MTUS2: variants seen among roughly 807,000 people sequenced by gnomAD.
The protein encoded by MTUS2 is microtubule-associated tumor suppressor candidate 2.
MTUS2 carries 40 observed loss-of-function variants against 114.1 expected under a neutral mutation model. That is an observed-to-expected ratio of 0.35 (90% CI 0.27 to 0.46). MTUS2 has a LOEUF of 0.46. MTUS2 is among the 20% of genes least tolerant of loss of function. The pLI, the probability that MTUS2 is intolerant of heterozygous loss-of-function variation, is 1.00. For synonymous variants in MTUS2, 688 were observed against 672.0 expected, an observed-to-expected ratio of 1.02 and a Z score of -0.37; for missense variants, 1,679 against 1,705.4, an observed-to-expected ratio of 0.98 and a Z score of 0.27.
chr13:29,309,432 G>A (rs1899644721), intron 6 of MTUS2, among the ~76,000 whole-genome samples: 1 of 152,116 alleles, frequency 6.6e-6, no homozygotes, highest in Non-Finnish European at 1.5e-5. Context: ...CCTGTGGGGT[G>A]GAGGATGGGG....
Position 29,503,156 on chromosome 13 carries a change from TCCTCCTCGGGGC to T in MTUS2, c.4068_4079del (p.Gly1357_Ser1360del). On this transcript the variant is annotated inframe_deletion, in exon 16 of 16. Transcript: ENST00000612955. ...GCCCACATCTCCCGTTTACCGCGGC[TCCTCCTCGGGGC>T]CCTCCTCTCCGGCCAGAGTCAGCAC... is the stretch of plus-strand genomic sequence containing the variant. The T allele has an allele frequency of 6.2e-7, 1 of 1,614,116 alleles. No individual in the cohort carries two copies. Among genetic ancestry groups the T allele is most frequent in the Non-Finnish European group, 8.5e-7 (1 of 1,180,030 alleles).
At chr13:29,354,469 T>C (rs929702433) in intron 7 of MTUS2, among the ~76,000 whole-genome samples, 4 of 152,334 alleles carry the variant, frequency 2.6e-5, no homozygotes, top group Middle Eastern at 3.4e-3. Flanking sequence ...TTGAAAATAC[T>C]GTATGCCACG....
chr13:29,295,122 T>C (rs1192723587), intron 6 of MTUS2, among the ~76,000 whole-genome samples: 1 of 142,882 alleles, frequency 7.0e-6, no homozygotes, highest in Admixed American at 6.9e-5. Context: ...GGCTGTTGCC[T>C]TTTTTTTTTT....
chr13:28,983,738 G>A (rs755787819), intron 2 of MTUS2, among the ~76,000 whole-genome samples: 19 of 152,246 alleles, frequency 1.2e-4, no homozygotes, highest in Middle Eastern at 3.2e-3. Flanking sequence ...GATGGAGCCA[G>A]CAATCTGTGT....
chr13:29,310,382 T>A (rs1899698346), intron 6 of MTUS2, among the ~76,000 whole-genome samples: 1 of 152,218 alleles, frequency 6.6e-6, no homozygotes, highest in African/African-American at 2.4e-5. Context: ...ATAATTGATA[T>A]TCGTAATTAC....
At chr13:29,494,250 T>C (rs1203604989) in intron 12 of MTUS2, among the ~76,000 whole-genome samples, 1 of 152,244 alleles carries the variant, frequency 6.6e-6, no homozygotes, top group Non-Finnish European at 1.5e-5. Context: ...GTAACTATTG[T>C]AATAATAACA....
intron 5 of MTUS2, among the ~76,000 whole-genome samples, chr13:29,253,984 C>A (rs1164639747): frequency 6.6e-6 from 1 of 152,154 alleles, no homozygotes; most frequent in African/African-American, 2.4e-5. Context: ...GTGGGAATTC[C>A]TTCAAGATGA....
At chr13:28,834,769 T>A (rs1874953384) in intron 1 of MTUS2, among the ~76,000 whole-genome samples, 1 of 152,178 alleles carries the variant, frequency 6.6e-6, no homozygotes, top group Non-Finnish European at 1.5e-5. Flanking sequence ...TTGAAAATTA[T>A]GTATCTAATA....
At chr13:29,104,055 A>C (rs1890547093) in intron 5 of MTUS2, among the ~76,000 whole-genome samples, 1 of 152,038 alleles carries the variant, frequency 6.6e-6, no homozygotes, top group African/African-American at 2.4e-5. Flanking sequence ...AGATGGCAGG[A>C]CCATTTGGGG....
chr13:28,862,624 AC>A (rs1311616718), intron 2 of MTUS2, among the ~76,000 whole-genome samples: 2 of 152,178 alleles, frequency 1.3e-5, no homozygotes. Context: ...CAAAAACCAA[AC>A]CAAACCAAAC....
intron 6 of MTUS2, among the ~76,000 whole-genome samples, chr13:29,284,545 G>A (rs1331205252): frequency 6.6e-6 from 1 of 152,126 alleles, no homozygotes; most frequent in Non-Finnish European, 1.5e-5. Flanking sequence ...TACATTAAAT[G>A]TTAAAAGATA....
chr13:29,127,417 G>A (rs766045022), intron 5 of MTUS2, among the ~76,000 whole-genome samples: 3 of 152,170 alleles, frequency 2.0e-5, no homozygotes, highest in African/African-American at 4.8e-5. Context: ...TCTATAATTT[G>A]CTGACTTTAA....
chr13:29,383,252 G>GTATATATATATATATTTATTTATTTATT (rs1555271591), intron 8 of MTUS2, among the ~76,000 whole-genome samples: 49,830 of 135,692 alleles, frequency 0.37, 11,232 homozygotes, highest in Admixed American at 0.5. Flanking sequence ...GTGTGTGTGT[G>GTATATATATATATATTTATTTATTTATT]TATTTATTTT....
intron 5 of MTUS2, among the ~76,000 whole-genome samples, chr13:29,278,806 G>T (rs146443676): frequency 2.0e-5 from 3 of 152,044 alleles, no homozygotes; most frequent in Non-Finnish European, 4.4e-5. Context: ...GTCTGAAATC[G>T]TTTATCATAT....
intron 4 of MTUS2, among the ~76,000 whole-genome samples, chr13:29,087,865 TG>T (rs1889761183): frequency 6.6e-6 from 1 of 152,136 alleles, no homozygotes; most frequent in African/African-American, 2.4e-5. Context: ...GAGACCATCC[TG>T]GCTAACATGG....
intron 4 of MTUS2, among the ~76,000 whole-genome samples, chr13:29,070,226 A>G (rs145304098): frequency 6.6e-6 from 1 of 152,050 alleles, no homozygotes; most frequent in Non-Finnish European, 1.5e-5. Context: ...TACCTTCTCA[A>G]ATGTTCCTCT....
intron 5 of MTUS2, among the ~76,000 whole-genome samples, chr13:29,177,541 C>T (rs1467638428): frequency 6.9e-6 from 1 of 144,932 alleles, no homozygotes; most frequent in East Asian, 1.9e-4. Context: ...TTTCACCAGG[C>T]CTGGAACCCT....
chr13:29,002,826 T>C (rs556392932), intron 2 of MTUS2, among the ~76,000 whole-genome samples: 5 of 152,356 alleles, frequency 3.3e-5, no homozygotes, highest in African/African-American at 1.2e-4. Flanking sequence ...ATTCAAACTT[T>C]AAAGTGCATT....
rs1408794829 is a variant in MTUS2, at chr13:29,383,245, TG to T, written c.3117+23773del. Among the ~76,000 whole-genome samples, 986 of 113,382 alleles carry T rather than the reference TG, an allele frequency of 8.7e-3. 17 individuals are homozygous for T. The highest frequency in any genetic ancestry group is 0.029 in the African/African-American group (888 of 31,004). 74.4% of individuals were successfully genotyped at this position (113,382 alleles called of 152,430 possible). A position where few individuals can be genotyped will look rare whatever the true frequency, so the allele number is the denominator to read the frequency against. On this transcript the variant is annotated intron_variant, in intron 8 of 15. Transcript: ENST00000612955. ...GTGTGTGTGTGTGTGTGTGTGTGTG[TG>T]TGTGTGTATTTATTTTTCTCATGCA...
Sources: gnomAD v4.1 joint callset for allele counts (sites outside exome capture counted in the v4.1 genomes callset) on GRCh38, gnomAD v4.1.1 for gene constraint, MANE v1.5 for transcripts, NCBI Gene and HGNC (gene_info 2026-07-23, HGNC 2026-07-21) for gene names.